FBP2: variants seen among roughly 807,000 people sequenced by gnomAD.
FBP2 encodes the protein fructose-1,6-bisphosphatase isozyme 2.
FBP2 carries 27 observed loss-of-function variants against 31.6 expected under a neutral mutation model. That is an observed-to-expected ratio of 0.85 (90% CI 0.63 to 1.18). The LOEUF is 1.18. Ranked by LOEUF, FBP2 falls within the 50% of genes most tolerant of loss-of-function variation. The probability of loss-of-function intolerance (pLI) is 0.00; values close to 1 mark genes in which losing one functional copy is unlikely to be tolerated. For missense variants in FBP2, 421 were observed against 436.1 expected (o/e 0.97, Z 0.31); for synonymous variants, 168 against 179.8 (o/e 0.93, Z 0.53).
chr9:94,590,245 C>T (rs1435281618), intron 1 of FBP2, among the ~76,000 whole-genome samples: 1 of 152,180 alleles, frequency 6.6e-6, no homozygotes, highest in Non-Finnish European at 1.5e-5. Context: ...GACACTAAAG[C>T]TAACTAACAG....
At chr9:94,570,046 C>CT (rs1827250286) in intron 4 of FBP2, 7 of 152,314 alleles carry the variant, frequency 4.6e-5, no homozygotes, top group Admixed American at 4.6e-4. Flanking sequence ...GGGTTTCAGG[C>CT]TAATACATAG....
In FBP2 at chr9:94,584,468, C is replaced by T. The variant is rs545572435; in HGVS notation, c.426+109G>A. 445 of 712,674 alleles carry T rather than the reference C, an allele frequency of 6.2e-4. 1 individual carries two copies. In the African/African-American group the frequency reaches 6.8e-3, roughly 11 times the overall value. The allele number at this position is 712,674 out of a possible 1,614,324, so 44.1% of individuals were successfully genotyped here. A position where few individuals can be genotyped will look rare whatever the true frequency, so the allele number is the denominator to read the frequency against. Reference sequence around the variant, plus strand: ...GTGGTTTGCCTACAGTGGCTTTTCTCGTTAGTGGGAAGACAAAGGGTAGGA... The same window carrying T: ...GTGGTTTGCCTACAGTGGCTTTTCTTGTTAGTGGGAAGACAAAGGGTAGGA... On this transcript the variant is annotated intron_variant, in intron 3 of 6. Coordinates refer to ENST00000375337, the MANE Select transcript of FBP2 (RefSeq NM_003837.4).
Position 94,563,324 on chromosome 9 carries a change from TGGACA to T in FBP2, c.825+13_825+17del, listed in dbSNP as rs1424756480. The T allele has an allele frequency of 1.2e-6, 2 of 1,612,270 alleles. No individual in the cohort carries two copies. The highest frequency in any genetic ancestry group is 1.7e-6 in the Non-Finnish European group (2 of 1,179,028). On this transcript the variant is annotated intron_variant, in intron 6 of 6. Coordinates refer to ENST00000375337, the MANE Select transcript of FBP2 (RefSeq NM_003837.4). ...CCTCCCTGACCGGATGCACAGCCAG[TGGACA>T]AGGGAGAATTACCTTGCCCTTAGGG... is the stretch of plus-strand genomic sequence containing the variant.
chr9:94,568,661 G>T lies in FBP2; in HGVS notation c.568-1254C>A, dbSNP rs537170309. On this transcript the variant is annotated intron_variant, in intron 4 of 6. Transcript: ENST00000375337. ...CACAGAATGACTCCACATAGCAGAGGTGTTGCTACGAGAGGTGACACTGTC... is the reference window on the plus strand; with the variant it reads ...CACAGAATGACTCCACATAGCAGAGTTGTTGCTACGAGAGGTGACACTGTC... 4.6e-5 allele frequency: 7 copies of T among 152,300 alleles called. No homozygotes were observed. In the South Asian group the frequency reaches 1.2e-3, roughly 27 times the overall value. The allele number at this position is 152,300 out of a possible 1,614,324, so 9.4% of individuals were successfully genotyped here.
At chr9:94,567,663 C>A in intron 4 of FBP2, 1 of 418,438 alleles carries the variant, frequency 2.4e-6, no homozygotes, top group Non-Finnish European at 4.3e-6. Context: ...CCATAGTCTT[C>A]TTTCTTTTCC....
At chr9:94,590,821 G>A (rs1306567476) in intron 1 of FBP2, among the ~76,000 whole-genome samples, 2 of 152,316 alleles carry the variant, frequency 1.3e-5, no homozygotes, top group African/African-American at 2.4e-5. Flanking sequence ...GGCCTGTTTT[G>A]TCAGGGCGCT....
Position 94,563,370 on chromosome 9 carries a change from G to A in FBP2, c.797C>T (p.Pro266Leu). The A allele has an allele frequency of 1.9e-6, 3 of 1,614,114 alleles. No homozygotes were observed. The change falls in exon 6 of 7, where the codon CCA (proline) becomes CTA (leucine). Residue 266 changes from proline to leucine, a missense_variant. Coordinates refer to ENST00000375337, the MANE Select transcript of FBP2 (RefSeq NM_003837.4). Reference protein sequence around the residue: ...TLVYGGIFLYPANQKSPKGKL... With the variant: ...TLVYGGIFLYLANQKSPKGKL... ...GCCCTTAGGGCTCTTCTGGTTGGCTGGGTACAGGAAGATTCCTCCATAGAC... is the reference window on the plus strand; with the variant it reads ...GCCCTTAGGGCTCTTCTGGTTGGCTAGGTACAGGAAGATTCCTCCATAGAC...
At chr9:94,560,519 G>C (rs140588599) in intron 6 of FBP2, among the ~76,000 whole-genome samples, 68 of 152,160 alleles carry the variant, frequency 4.5e-4, no homozygotes, top group African/African-American at 1.6e-3. Context: ...CTCCCCATCA[G>C]TGCAACCTGT....
rs1564186518 is a variant in FBP2, at chr9:94,584,590, G to A, written c.413C>T (p.Ala138Val). 1 of 1,610,006 alleles carries A rather than the reference G, an allele frequency of 6.2e-7. No homozygotes were observed. Among genetic ancestry groups the A allele is most frequent in the South Asian group, 1.1e-5 (1 of 90,990 alleles). Reference protein sequence around the residue: ...DCLASIGTIFAIYRKTSEDEP... With the variant: ...DCLASIGTIFVIYRKTSEDEP... ...CTGTCTACTCACCTTTCTATAGATG[G>A]CAAAGATGGTTCCGATGGAGGCCAG... The change falls in exon 3 of 7, where the codon GCC (alanine) becomes GTC (valine). Residue 138 changes from alanine to valine, a missense_variant. Ala to Val is a moderately conservative substitution (Grantham distance 64). Transcript: ENST00000375337.
chr9:94,571,240 A>G (rs967142257), intron 4 of FBP2, among the ~76,000 whole-genome samples: 13 of 152,200 alleles, frequency 8.5e-5, no homozygotes, highest in Admixed American at 5.2e-4. Context: ...GAGTTGATGC[A>G]ACTGGCTCTG....
At chr9:94,587,856 C>CT (rs113338102) in intron 1 of FBP2, among the ~76,000 whole-genome samples, 9,394 of 149,110 alleles carry the variant, frequency 0.063, 957 homozygotes, top group African/African-American at 0.22. Flanking sequence ...TTCTTTTTTC[C>CT]TTTTTTTTTT....
intron 1 of FBP2, among the ~76,000 whole-genome samples, 200 bp downstream of exon 1, chr9:94,593,357 T>A (rs1009852668): frequency 6.6e-6 from 1 of 152,252 alleles, no homozygotes; most frequent in Non-Finnish European, 1.5e-5. Flanking sequence ...CTTCATAGCA[T>A]GTTTTCGTTC....
chr9:94,572,445 T>C (rs1160956199), intron 3 of FBP2, among the ~76,000 whole-genome samples: 1 of 152,234 alleles, frequency 6.6e-6, no homozygotes, highest in Non-Finnish European at 1.5e-5. Context: ...ATTGTTGTGA[T>C]GTACGTAGAA....
At chr9:94,570,863 C>T (rs1827261779) in intron 4 of FBP2, 1 of 152,230 alleles carries the variant, frequency 6.6e-6, no homozygotes, top group African/African-American at 2.4e-5. Flanking sequence ...GATCAATGCT[C>T]CATCTCCGCT....
intron 1 of FBP2, among the ~76,000 whole-genome samples, chr9:94,588,280 T>G (rs1456950729): frequency 1.3e-5 from 2 of 152,128 alleles, no homozygotes; most frequent in African/African-American, 2.4e-5. Context: ...CTTATTTCAT[T>G]TTTTTCTTCA....
chr9:94,560,788 TA>T (rs533812577), intron 6 of FBP2, among the ~76,000 whole-genome samples: 2 of 148,732 alleles, frequency 1.3e-5, no homozygotes. Context: ...TTTTCTATTG[TA>T]TATATTATAT....
chr9:94,568,125 CT>C (rs1402989822), intron 4 of FBP2: 2 of 26,358 alleles, frequency 7.6e-5, no homozygotes, highest in Admixed American at 6.8e-4. Context: ...AAGACTCCAT[CT>C]CAAAAAAAAA....
chr9:94,565,843 T>C (rs1274876062), intron 5 of FBP2, among the ~76,000 whole-genome samples: 12 of 152,046 alleles, frequency 7.9e-5, no homozygotes, highest in Non-Finnish European at 7.4e-5. Flanking sequence ...GGGATAACTA[T>C]AGATGCTCGT....
At chr9:94,588,458 C>CA (rs1296212852) in intron 1 of FBP2, among the ~76,000 whole-genome samples, 10 of 151,934 alleles carry the variant, frequency 6.6e-5, no homozygotes, top group Middle Eastern at 3.4e-3. Flanking sequence ...CCTGTCTTTA[C>CA]AAAAAAATAC....
Sources: allele counts gnomAD v4.1 joint callset (sites outside exome capture counted in the v4.1 genomes callset), GRCh38; gene constraint gnomAD v4.1.1; transcripts MANE v1.5; gene names NCBI Gene and HGNC (gene_info 2026-07-23, HGNC 2026-07-21).